The following CTNNA2 variants were observed in gnomAD, a reference collection of about 807,000 sequenced individuals.
CTNNA2 encodes the protein catenin alpha 2, also known as catenin alpha-2.
A neutral mutation model predicts 101.0 loss-of-function variants in CTNNA2; 42 were observed. The ratio of observed to expected loss-of-function variants is 0.42; its 90% CI spans 0.32 to 0.54. CTNNA2 has a LOEUF of 0.54. Among genes scored for constraint, CTNNA2 ranks in the 20% least tolerant of loss-of-function variants. The probability of loss-of-function intolerance (pLI) is 0.14; values close to 1 mark genes in which losing one functional copy is unlikely to be tolerated. For missense variants in CTNNA2, 871 were observed against 1,223.1 expected (o/e 0.71, Z 4.29); for synonymous variants, 450 against 456.4 (o/e 0.99, Z 0.18).
chr2:79,796,569 T>G (rs1241192629), intron 3 of CTNNA2, among the ~76,000 whole-genome samples: 1 of 152,100 alleles, frequency 6.6e-6, no homozygotes, highest in African/African-American at 2.4e-5. Flanking sequence ...CAGATTGCCT[T>G]AAGGACACAT....
At chr2:80,593,793 A>G (rs552530353) in intron 15 of CTNNA2, among the ~76,000 whole-genome samples, 58 of 152,290 alleles carry the variant, frequency 3.8e-4, no homozygotes, top group African/African-American at 1.4e-3. Context: ...ATATTGTAGC[A>G]TATACTCAAA....
chr2:79,679,879 C>T (rs150308751), intron 2 of CTNNA2, among the ~76,000 whole-genome samples: 2 of 152,106 alleles, frequency 1.3e-5, no homozygotes, highest in African/African-American at 2.4e-5. Context: ...AACACAGAGA[C>T]AGTCTCCATG....
At chr2:80,468,712 G>A (rs1572965191) in intron 9 of CTNNA2, among the ~76,000 whole-genome samples, 5 of 152,210 alleles carry the variant, frequency 3.3e-5, no homozygotes, top group South Asian at 2.1e-4. Flanking sequence ...CACTGTGCCC[G>A]GCCATCATGT....
At chr2:79,779,286 G>T (rs1244850111) in intron 3 of CTNNA2, among the ~76,000 whole-genome samples, 2 of 152,116 alleles carry the variant, frequency 1.3e-5, no homozygotes, top group Non-Finnish European at 2.9e-5. Context: ...AGTATCCAAG[G>T]GTGACTGGCC....
chr2:79,318,148 A>G (rs1475584750), intron 3 of CTNNA2, among the ~76,000 whole-genome samples: 1 of 152,132 alleles, frequency 6.6e-6, no homozygotes. Flanking sequence ...GATTGTATTG[A>G]TTTTAACATG....
At position 80,106,768 on chromosome 2, in the gene CTNNA2, C is replaced by A. The variant is rs74863644; in HGVS notation, c.1056+196971C>A. Among the ~76,000 whole-genome samples, 527 of 152,212 alleles carry A rather than the reference C, an allele frequency of 3.5e-3. 2 individuals are homozygous for A. Among genetic ancestry groups the A allele is most frequent in the African/African-American group, 0.011 (474 of 41,532 alleles). On this transcript the variant is annotated intron_variant, in intron 7 of 18. Transcript: ENST00000402739. ...CTCCAGATTCCTAATGCTGCTGAGG[C>A]TCTCCAGGAGGGAACTCCAGGAGAG...
At chr2:80,410,050 T>C (rs538102408) in intron 8 of CTNNA2, among the ~76,000 whole-genome samples, 12 of 152,334 alleles carry the variant, frequency 7.9e-5, no homozygotes, top group Non-Finnish European at 1.5e-4. Flanking sequence ...ACTAGTTGAC[T>C]GGGGAGAGAT....
intron 9 of CTNNA2, among the ~76,000 whole-genome samples, chr2:80,482,167 G>A (rs958197229): frequency 1.3e-5 from 2 of 152,008 alleles, no homozygotes; most frequent in African/African-American, 2.4e-5. Context: ...TTAATCTGGT[G>A]ATCCAATCCT....
At chr2:80,414,571 A>C (rs1169684891) in intron 8 of CTNNA2, among the ~76,000 whole-genome samples, 1 of 152,156 alleles carries the variant, frequency 6.6e-6, no homozygotes, top group African/African-American at 2.4e-5. Context: ...GTTTTCAAAG[A>C]ATACTTTCCT....
At position 79,545,789 on chromosome 2, in the gene CTNNA2, C is replaced by T. The variant is rs998288297; in HGVS notation, c.-6+32582C>T. 5.3e-5 allele frequency among the ~76,000 whole-genome samples: 8 copies of T among 152,028 alleles called. No individual in the cohort carries two copies. The South Asian group carries it at 6.2e-4, about 12-fold the overall frequency. ...AAGTAAAAGCTTACTTTTTTATGCT[C>T]ATAATATAAGTACTCAAACAAGCTT... On this transcript the variant is annotated intron_variant, in intron 1 of 18. Transcript: ENST00000402739.
chr2:80,143,181 C>T (rs959549696), intron 7 of CTNNA2, among the ~76,000 whole-genome samples: 1 of 152,140 alleles, frequency 6.6e-6, no homozygotes. Context: ...GACTTACGGC[C>T]CAAGTGTCCT....
At chr2:79,204,890 A>G (rs1369890030) in intron 2 of CTNNA2, among the ~76,000 whole-genome samples, 5 of 152,258 alleles carry the variant, frequency 3.3e-5, no homozygotes, top group Non-Finnish European at 7.3e-5. Context: ...CAGAGCCCTC[A>G]TTGCCTAAAT....
chr2:79,254,523 A>G (rs1381916424), intron 2 of CTNNA2, among the ~76,000 whole-genome samples: 1 of 152,186 alleles, frequency 6.6e-6, no homozygotes, highest in African/African-American at 2.4e-5. Flanking sequence ...GCCTTCTGCC[A>G]TGAGTAAAAT....
chr2:79,324,851 G>A lies in CTNNA2; in HGVS notation c.-318+12055G>A, dbSNP rs188558862. On this transcript the variant is annotated intron_variant, in intron 3 of 21. Transcript: ENST00000466387. Reference sequence around the variant, plus strand: ...CTGTCCATTCCTAAGCATAGCAGGAGGCAGCATGAAGCAAAACCGTATTTA... The same window carrying A: ...CTGTCCATTCCTAAGCATAGCAGGAAGCAGCATGAAGCAAAACCGTATTTA... Among the ~76,000 whole-genome samples, 218 of 152,264 alleles carry A rather than the reference G, an allele frequency of 1.4e-3. 1 individual carries two copies. Among genetic ancestry groups the A allele is most frequent in the African/African-American group, 4.8e-3 (201 of 41,542 alleles).
rs563903968 is a variant in CTNNA2, at chr2:80,577,728, A to G, written c.1893+3414A>G. 4.8e-5 allele frequency among the ~76,000 whole-genome samples: 6 copies of G among 125,480 alleles called. No homozygotes were observed. The South Asian group carries it at 1.4e-3, about 29-fold the overall frequency. 82.3% of individuals were successfully genotyped at this position (125,480 alleles called of 152,430 possible). A position where few individuals can be genotyped will look rare whatever the true frequency, so the allele number is the denominator to read the frequency against. ...TTTTGTTTTTACCTTTGGATCTCTAATTTGATTTTCTAGTCTGCAGCCCAT... is the reference window on the plus strand; with the variant it reads ...TTTTGTTTTTACCTTTGGATCTCTAGTTTGATTTTCTAGTCTGCAGCCCAT... On this transcript the variant is annotated intron_variant, in intron 13 of 18. Coordinates refer to ENST00000402739, the MANE Select transcript of CTNNA2 (RefSeq NM_001282597.3).
intron 7 of CTNNA2, among the ~76,000 whole-genome samples, chr2:80,102,309 C>T (rs1247939976): frequency 6.6e-6 from 1 of 152,174 alleles, no homozygotes; most frequent in Non-Finnish European, 1.5e-5. Flanking sequence ...AATCCTTCCA[C>T]CTTGGCCTTG....
intron 7 of CTNNA2, among the ~76,000 whole-genome samples, chr2:79,991,020 G>A (rs1692136674): frequency 1.3e-5 from 2 of 152,148 alleles, no homozygotes; most frequent in African/African-American, 4.8e-5. Context: ...TATGTGTCCA[G>A]GAGTTTATCC....
intron 9 of CTNNA2, among the ~76,000 whole-genome samples, chr2:80,488,481 G>GA (rs893286816): frequency 6.6e-6 from 1 of 151,378 alleles, no homozygotes; most frequent in South Asian, 2.1e-4. Context: ...AACCCTAAGA[G>GA]AAAAAAAACC....
At chr2:80,585,771 C>A (rs1012162054) in intron 14 of CTNNA2, among the ~76,000 whole-genome samples, 1 of 152,196 alleles carries the variant, frequency 6.6e-6, no homozygotes, top group Non-Finnish European at 1.5e-5. Context: ...AGTTTGTGAT[C>A]TACTGTTTAT....
Sources: gnomAD v4.1 joint callset for allele counts (sites outside exome capture counted in the v4.1 genomes callset) on GRCh38, gnomAD v4.1.1 for gene constraint, MANE v1.5 for transcripts, NCBI Gene and HGNC (gene_info 2026-07-23, HGNC 2026-07-21) for gene names.